EXOC1: variants seen among roughly 807,000 people sequenced by gnomAD.
EXOC1 encodes the protein SEC3-like 1.
Under a neutral mutation model 107.7 loss-of-function variants are expected in EXOC1, and 67 were observed. The observed-to-expected ratio is 0.62, with a 90% confidence interval of 0.51 to 0.76. The LOEUF is 0.76. EXOC1 is among the 30% of genes least tolerant of loss of function. The pLI, the probability that EXOC1 is intolerant of heterozygous loss-of-function variation, is 0.00. For synonymous variants in EXOC1, 348 were observed against 353.5 expected (o/e 0.98, Z 0.17); for missense variants, 833 against 1,055.7 (o/e 0.79, Z 2.92).
chr4:55,885,270 T>C (rs1166931603), intron 10 of EXOC1, among the ~76,000 whole-genome samples: 1 of 152,200 alleles, frequency 6.6e-6, no homozygotes, highest in African/African-American at 2.4e-5. Flanking sequence ...TTTCTAAAAT[T>C]ATCTCCTGAG....
Position 55,860,559 on chromosome 4 carries a change from C to T in EXOC1, c.255+18C>T. Reference sequence around the variant, plus strand: ...CTATCAAAGTAGGTTTTTCTCAGTTCTTTGACCTGTGTTCAGAAAGCATCT... The same window carrying T: ...CTATCAAAGTAGGTTTTTCTCAGTTTTTTGACCTGTGTTCAGAAAGCATCT... On this transcript the variant is annotated intron_variant, in intron 3 of 18. Transcript: ENST00000381295. 1.2e-6 allele frequency: 2 copies of T among 1,612,824 alleles called. No homozygotes were observed. The highest frequency in any genetic ancestry group is 2.2e-5 in the East Asian group (1 of 44,808).
chr4:55,904,101 A>T (rs949881322), intron 18 of EXOC1, among the ~76,000 whole-genome samples: 2 of 151,676 alleles, frequency 1.3e-5, no homozygotes, highest in African/African-American at 4.8e-5. Context: ...TCACAGCATT[A>T]TGAGGAAGGT....
In EXOC1 at chr4:55,871,148, A is replaced by T. The variant is rs1364748576; in HGVS notation, c.879A>T (p.Gly293=). The change falls in exon 7 of 19, where the codon GGA becomes GGT. Residue 293 remains glycine, a synonymous_variant. Coordinates refer to ENST00000381295, the MANE Select transcript of EXOC1 (RefSeq NM_001024924.2). ...AKGHIKALQE[G]DLASSRGIEA... is the part of the protein sequence containing the mutation. ...GTCATATAAAGGCCCTTCAGGAAGG[A>T]GATCTTGCTTCTTCCAGAGGCATTG... The T allele has an allele frequency of 1.2e-6, 2 of 1,613,924 alleles. No homozygotes were observed. The highest frequency in any genetic ancestry group is 1.7e-4 in the Middle Eastern group (1 of 6,058).
chr4:55,871,224 C>T lies in EXOC1; in HGVS notation c.955C>T (p.Leu319Phe). The T allele has an allele frequency of 6.2e-7, 1 of 1,612,606 alleles. No homozygotes were observed. The highest frequency in any genetic ancestry group is 8.5e-7 in the Non-Finnish European group (1 of 1,178,996). The change falls in exon 7 of 19, where the codon CTT (leucine) becomes TTT (phenylalanine). Residue 319 changes from leucine to phenylalanine, a missense_variant. Leu to Phe is a conservative substitution (Grantham distance 22). Transcript: ENST00000381295. The stretch of plus-strand genomic sequence containing the variant: ...CCTTCTGCAGTGCATGAATGTAGCT[C>T]TTCGACCAGGTATGTTCATTAGAAA... ...DALLQCMNVALRPGHDLLLAV... is the reference protein window; with the variant it reads ...DALLQCMNVAFRPGHDLLLAV...
In EXOC1 at chr4:55,878,035, C is replaced by A; in HGVS notation, c.1193C>A (p.Thr398Lys). ...YAKLMEWLKS[T>K]DYGKYEGLTK... Reference sequence around the variant, plus strand: ...AAGCTGATGGAGTGGCTAAAGAGTACAGATTATGGAAAATATGAAGGACTA... The same window carrying A: ...AAGCTGATGGAGTGGCTAAAGAGTAAAGATTATGGAAAATATGAAGGACTA... Residue 398 changes from threonine to lysine, a missense_variant, in exon 9 of 19, where the codon ACA (threonine) becomes AAA (lysine). Transcript: ENST00000381295. The A allele has an allele frequency of 6.2e-7, 1 of 1,613,512 alleles. No individual in the cohort carries two copies. The highest frequency in any genetic ancestry group is 8.5e-7 in the Non-Finnish European group (1 of 1,179,762).
chr4:55,900,134 C>T (rs1411151540), intron 17 of EXOC1, among the ~76,000 whole-genome samples: 1 of 152,018 alleles, frequency 6.6e-6, no homozygotes, highest in Non-Finnish European at 1.5e-5. Flanking sequence ...TTCTATTATG[C>T]ATTATTTCTT....
chr4:55,882,938 C>G (rs931118762), intron 9 of EXOC1: 10 of 152,128 alleles, frequency 6.6e-5, no homozygotes, highest in African/African-American at 1.9e-4. Context: ...CTGTTTGTGG[C>G]ATTTAACTTC....
intron 8 of EXOC1, 77 bp downstream of exon 8, chr4:55,872,035 G>T (rs1483318966): frequency 2.3e-6 from 3 of 1,288,098 alleles, no homozygotes; most frequent in African/African-American, 1.5e-5. Flanking sequence ...CCACAAAAAT[G>T]TTAATATGTT....
intron 15 of EXOC1, among the ~76,000 whole-genome samples, chr4:55,894,158 C>T (rs1049214769): frequency 6.6e-6 from 1 of 152,084 alleles, no homozygotes; most frequent in Non-Finnish European, 1.5e-5. Flanking sequence ...AACCCCATCT[C>T]TACCAAAAAT....
intron 8 of EXOC1, chr4:55,875,645 A>G (rs977901883): frequency 1.3e-4 from 130 of 985,176 alleles, no homozygotes; most frequent in Non-Finnish European, 1.5e-4. Context: ...AATCATTGAG[A>G]AAAATTAATG....
chr4:55,892,563 G>A, intron 13 of EXOC1, 72 bp from the exon 14 acceptor site: 1 of 1,223,336 alleles, frequency 8.2e-7, no homozygotes, highest in Non-Finnish European at 1.2e-6. Flanking sequence ...AGACTGAGCA[G>A]GCTTTTGCTA....
At chr4:55,858,207 T>TA in intron 1 of EXOC1, 107 bp from the exon 2 acceptor site, 1 of 1,155,100 alleles carries the variant, frequency 8.7e-7, no homozygotes, top group Non-Finnish European at 1.2e-6. Context: ...ATTAAATCAT[T>TA]TTTCCTAGGC....
At position 55,892,167 on chromosome 4, in the gene EXOC1, G is replaced by A. The variant is rs542158885; in HGVS notation, c.1648-468G>A. 2.0e-5 allele frequency among the ~76,000 whole-genome samples: 3 copies of A among 152,254 alleles called. No individual in the cohort carries two copies. In the East Asian group the frequency reaches 5.8e-4, roughly 29 times the overall value. ...AGTGTTCATTGTTATGGTAGTAATG[G>A]TGGCAAATTTGTTTATTTGTTGGCC... On this transcript the variant is annotated intron_variant, in intron 13 of 18. Transcript: ENST00000381295.
At chr4:55,873,301 A>G (rs1265362469) in intron 8 of EXOC1, among the ~76,000 whole-genome samples, 1 of 152,132 alleles carries the variant, frequency 6.6e-6, no homozygotes, top group Non-Finnish European at 1.5e-5. Flanking sequence ...GTAGGGGGGA[A>G]TCAGAGAGAT....
intron 9 of EXOC1, among the ~76,000 whole-genome samples, chr4:55,880,105 A>C (rs186150358): frequency 1.3e-5 from 2 of 152,200 alleles, no homozygotes; most frequent in Admixed American, 6.5e-5. Flanking sequence ...CAAATTATGT[A>C]TTCCTATCCA....
rs1726392224 is a variant in EXOC1, at chr4:55,904,455, A to T, written c.2645A>T (p.Asp882Val). Residue 882 changes from aspartate (D) to valine (V), a missense_variant, in exon 19 of 19, where the codon GAC (aspartate) becomes GTC (valine). By Grantham distance (152) the Asp-to-Val change is radical. Transcript: ENST00000381295. The stretch of plus-strand genomic sequence containing the variant: ...GTTACAATGGAATTCACTATTCAGG[A>T]CATTCTGGATTATTGTTCCAGCATT... Reference protein sequence around the residue: ...SGVTMEFTIQDILDYCSSIAQ... With the variant: ...SGVTMEFTIQVILDYCSSIAQ... The T allele has an allele frequency of 1.2e-6, 2 of 1,612,996 alleles. No homozygotes were observed. The highest frequency in any genetic ancestry group is 1.7e-6 in the Non-Finnish European group (2 of 1,179,606).
intron 16 of EXOC1, among the ~76,000 whole-genome samples, chr4:55,898,217 A>G (rs1210810031): frequency 2.0e-5 from 3 of 152,214 alleles, no homozygotes; most frequent in African/African-American, 7.2e-5. Flanking sequence ...TGTTCATGCT[A>G]CTGCACTCTA....
At chr4:55,886,974 C>A (rs1014993392) in intron 10 of EXOC1, among the ~76,000 whole-genome samples, 3 of 152,002 alleles carry the variant, frequency 2.0e-5, no homozygotes, top group Non-Finnish European at 4.4e-5. Flanking sequence ...TGTGATAAGA[C>A]CTTTGTGTAG....
chr4:55,859,712 C>T (rs554443470), intron 2 of EXOC1, among the ~76,000 whole-genome samples: 1 of 152,152 alleles, frequency 6.6e-6, no homozygotes, highest in Admixed American at 6.5e-5. Flanking sequence ...AAGTAAGTTC[C>T]CTTCTATTCC....
Sources: allele counts gnomAD v4.1 joint callset (sites outside exome capture counted in the v4.1 genomes callset), GRCh38; gene constraint gnomAD v4.1.1; transcripts MANE v1.5; gene names NCBI Gene and HGNC (gene_info 2026-07-23, HGNC 2026-07-21).